SEC23B: variants seen among roughly 807,000 people sequenced by gnomAD.
The protein encoded by SEC23B is SEC23 homolog B, COPII component.
A neutral mutation model predicts 104.3 loss-of-function variants in SEC23B; 77 were observed. The ratio of observed to expected loss-of-function variants is 0.74; its 90% CI spans 0.61 to 0.89. SEC23B has a LOEUF of 0.89. SEC23B is among the 40% of genes least tolerant of loss of function. SEC23B has a pLI of 0.00. For synonymous variants in SEC23B, 338 were observed against 332.5 expected (o/e 1.02, Z -0.18); for missense variants, 885 against 949.4 (o/e 0.93, Z 0.89).
At position 18,542,391 on chromosome 20, in the gene SEC23B, C is replaced by T; in HGVS notation, c.1500C>T (p.Thr500=). The T allele has an allele frequency of 6.2e-7, 1 of 1,614,136 alleles. No individual in the cohort carries two copies. The highest frequency in any genetic ancestry group is 8.5e-7 in the Non-Finnish European group (1 of 1,179,954). The change falls in exon 13 of 20, where the codon ACC becomes ACT. Residue 500 remains threonine, a synonymous_variant. Coordinates refer to ENST00000650089, the MANE Select transcript of SEC23B (RefSeq NM_006363.6). ...CCCAGAGACGCATCCGCGTGACCAC[C>T]ATCGCCCGAAAGTAAGCAGCCCCAG... ...SSTQRRIRVT[T]IARNWADVQS... is the part of the protein sequence containing the mutation.
chr20:18,512,911 C>A (rs539607967), intron 3 of SEC23B, among the ~76,000 whole-genome samples: 2 of 151,926 alleles, frequency 1.3e-5, no homozygotes, highest in Non-Finnish European at 2.9e-5. Context: ...TTAGGCCGGG[C>A]GCGGTGACTT....
intron 4 of SEC23B, among the ~76,000 whole-genome samples, chr20:18,519,446 C>G (rs545238910): frequency 3.9e-5 from 6 of 152,288 alleles, no homozygotes; most frequent in African/African-American, 1.2e-4. Context: ...TTGAGGGTCT[C>G]TAAAAGTATT....
chr20:18,559,083 G>C (rs568128676), intron 19 of SEC23B, among the ~76,000 whole-genome samples: 11 of 151,466 alleles, frequency 7.3e-5, no homozygotes, highest in African/African-American at 2.2e-4. Context: ...TGGTTGGTGG[G>C]GGGGGTGTCG....
At chr20:18,559,557 G>A (rs2060473912) in intron 19 of SEC23B, among the ~76,000 whole-genome samples, 1 of 152,168 alleles carries the variant, frequency 6.6e-6, no homozygotes, top group African/African-American at 2.4e-5. Flanking sequence ...GTTCAGGTGG[G>A]TCAGGGCCAC....
rs146587686 is a variant in SEC23B, at chr20:18,535,673, G to T, written c.1335G>T (p.Thr445=). 6.2e-7 allele frequency: 1 copy of T among 1,614,056 alleles called. No individual in the cohort carries two copies. The highest frequency in any genetic ancestry group is 8.5e-7 in the Non-Finnish European group (1 of 1,179,960). ...CCCAGGAGCTTGGTGTTGGTGGCAC[G>T]AGTCAGTGGAAAATCTGTGGCCTAG... ...VSENELGVGG[T]SQWKICGLDP... is the part of the protein sequence containing the mutation. Residue 445 remains threonine, a synonymous_variant, in exon 12 of 20, where the codon ACG becomes ACT. Transcript: ENST00000650089.
chr20:18,528,333 C>T (rs1431592926), intron 9 of SEC23B, among the ~76,000 whole-genome samples: 1 of 152,176 alleles, frequency 6.6e-6, no homozygotes, highest in African/African-American at 2.4e-5. Context: ...TAGGTCTTGT[C>T]CTCAGAGATT....
At chr20:18,556,145 TGGGG>T (rs2060435876) in intron 19 of SEC23B, among the ~76,000 whole-genome samples, 1 of 152,068 alleles carries the variant, frequency 6.6e-6, no homozygotes, top group South Asian at 2.1e-4. Flanking sequence ...ATGCACGTGA[TGGGG>T]GAGCAGCTGT....
At chr20:18,518,555 A>G (rs1294437293) in intron 4 of SEC23B, among the ~76,000 whole-genome samples, 1 of 142,012 alleles carries the variant, frequency 7.0e-6, no homozygotes, top group Non-Finnish European at 1.5e-5. Context: ...ACAACAGAAT[A>G]GAATGGGCCT....
chr20:18,546,908 T>G (rs963863261), intron 15 of SEC23B, among the ~76,000 whole-genome samples: 1 of 64,818 alleles, frequency 1.5e-5, no homozygotes, highest in African/African-American at 4.1e-5. Flanking sequence ...TTGCAGTTTT[T>G]TTTTTTTTTT....
chr20:18,523,397 C>CTTTTTTTTTTTTTTTTTTTTTTTTTT (rs112136906), intron 4 of SEC23B, among the ~76,000 whole-genome samples: 3 of 130,554 alleles, frequency 2.3e-5, no homozygotes, highest in Non-Finnish European at 4.7e-5. Flanking sequence ...TCTTTCCTTT[C>CTTTTTTTTTTTTTTTTTTTTTTTTTT]TTTTTTTTTT....
rs199952321 is a variant in SEC23B, at chr20:18,515,208, GATATAA to G, written c.280-435_280-430del. ...AAATATTTTTTAAGAGGACAGAAAT[GATATAA>G]ATATAAGGCAGGGTTAGAAGTTTTA... On this transcript the variant is annotated intron_variant, in intron 3 of 19. Coordinates refer to ENST00000650089, the MANE Select transcript of SEC23B (RefSeq NM_006363.6). Among the ~76,000 whole-genome samples the G allele has an allele frequency of 4.3e-3, 661 of 152,294 alleles. 1 individual carries two copies. Among genetic ancestry groups the G allele is most frequent in the Middle Eastern group, 0.014 (4 of 294 alleles).
chr20:18,559,083 G>GC lies in SEC23B; in HGVS notation c.2215-1568_2215-1567insC, dbSNP rs1196931748. ...CTCTGACAGGGAAGGTGGTTGGTGG[G>GC]GGGGGTGTCGGGGGCACTGGTGGGC... On this transcript the variant is annotated intron_variant, in intron 19 of 19. Coordinates refer to ENST00000650089, the MANE Select transcript of SEC23B (RefSeq NM_006363.6). Among the ~76,000 whole-genome samples, 6 of 151,466 alleles carry GC rather than the reference G, an allele frequency of 4.0e-5. No homozygotes were observed. The South Asian group carries it at 8.4e-4, about 21-fold the overall frequency.
chr20:18,538,856 C>T (rs1194920819), intron 12 of SEC23B, among the ~76,000 whole-genome samples: 2 of 152,048 alleles, frequency 1.3e-5, no homozygotes, highest in Non-Finnish European at 2.9e-5. Flanking sequence ...AAAGTTTTAT[C>T]ATGAAATTGT....
intron 9 of SEC23B, 57 bp downstream of exon 9, chr20:18,527,668 A>C (rs2060146420): frequency 8.9e-7 from 1 of 1,120,482 alleles, no homozygotes; most frequent in Non-Finnish European, 1.4e-6. Flanking sequence ...GGAAAGAGAA[A>C]TTAGTGATGG....
chr20:18,540,319 C>T (rs183466094), intron 12 of SEC23B, among the ~76,000 whole-genome samples: 6 of 152,278 alleles, frequency 3.9e-5, no homozygotes, highest in African/African-American at 4.8e-5. Context: ...TTTATATCTC[C>T]GTCAGAGCTC....
At chr20:18,509,738 C>CTGG (rs2059965096) in intron 1 of SEC23B, 1 of 152,282 alleles carries the variant, frequency 6.6e-6, no homozygotes, top group Non-Finnish European at 1.5e-5. Context: ...TGGGCACGTG[C>CTGG]CACCACACCT....
chr20:18,531,410 A>C (rs1193502227), intron 10 of SEC23B, among the ~76,000 whole-genome samples: 5 of 152,130 alleles, frequency 3.3e-5, no homozygotes, highest in African/African-American at 1.2e-4. Context: ...TAATCCCAGC[A>C]CTTTGGCAGG....
chr20:18,513,531 T>A (rs6132070), intron 3 of SEC23B, among the ~76,000 whole-genome samples: 1 of 152,156 alleles, frequency 6.6e-6, no homozygotes, highest in Non-Finnish European at 1.5e-5. Context: ...TAGTGTACAC[T>A]GTTCTAACAG....
chr20:18,520,055 G>T (rs1283833272), intron 4 of SEC23B, among the ~76,000 whole-genome samples: 1 of 152,046 alleles, frequency 6.6e-6, no homozygotes, highest in African/African-American at 2.4e-5. Flanking sequence ...GGGATGAAGG[G>T]TGCAAAGGAA....
Sources: allele counts gnomAD v4.1 joint callset (sites outside exome capture counted in the v4.1 genomes callset), GRCh38; gene constraint gnomAD v4.1.1; transcripts MANE v1.5; gene names NCBI Gene and HGNC (gene_info 2026-07-23, HGNC 2026-07-21).